The following ARHGAP26 variants were observed in gnomAD, a reference collection of about 807,000 sequenced individuals.
The protein encoded by ARHGAP26 is Rho GTPase activating protein 26.
A neutral mutation model predicts 104.8 loss-of-function variants in ARHGAP26; 38 were observed. That is an observed-to-expected ratio of 0.36 (90% CI 0.28 to 0.48). ARHGAP26 has a LOEUF of 0.48. ARHGAP26 is among the 20% of genes least tolerant of loss of function. The probability of loss-of-function intolerance (pLI) is 0.99; values close to 1 mark genes in which losing one functional copy is unlikely to be tolerated. For missense variants in ARHGAP26, 704 were observed against 947.9 expected, an observed-to-expected ratio of 0.74 and a Z score of 3.38; for synonymous variants, 341 against 340.0, an observed-to-expected ratio of 1.00 and a Z score of -0.03.
intron 11 of ARHGAP26, among the ~76,000 whole-genome samples, chr5:142,949,220 A>AGAGAGAGAGAGAGAGC (rs1562137006): frequency 5.7e-5 from 1 of 17,396 alleles, no homozygotes; most frequent in Non-Finnish European, 9.1e-5. Flanking sequence ...AGAGAGAGAG[A>AGAGAGAGAGAGAGAGC]GGAGAGAGAG....
chr5:143,120,441 G>A (rs1225214149), intron 17 of ARHGAP26, among the ~76,000 whole-genome samples: 1 of 152,234 alleles, frequency 6.6e-6, no homozygotes, highest in Non-Finnish European at 1.5e-5. Context: ...TGAGCCATAT[G>A]TTTAATCTGA....
intron 12 of ARHGAP26, among the ~76,000 whole-genome samples, chr5:143,017,630 G>T (rs2152827781): frequency 6.6e-6 from 1 of 152,162 alleles, no homozygotes; most frequent in South Asian, 2.1e-4. Context: ...ATGGTTCTGG[G>T]TCTTGTTTTA....
At chr5:143,104,845 A>AGT (rs1288982159) in intron 17 of ARHGAP26, among the ~76,000 whole-genome samples, 1 of 152,136 alleles carries the variant, frequency 6.6e-6, no homozygotes, top group African/African-American at 2.4e-5. Flanking sequence ...TTGAAATATG[A>AGT]GTGTGTGTGT....
intron 20 of ARHGAP26, among the ~76,000 whole-genome samples, chr5:143,148,704 T>G (rs895554541): frequency 2.0e-5 from 3 of 152,188 alleles, no homozygotes; most frequent in African/African-American, 7.2e-5. Flanking sequence ...TGGGCTTGCC[T>G]AGGGAGCCTC....
At chr5:143,089,544 G>A (rs371459953) in intron 17 of ARHGAP26, among the ~76,000 whole-genome samples, 6 of 152,280 alleles carry the variant, frequency 3.9e-5, no homozygotes, top group Admixed American at 2.6e-4. Flanking sequence ...TTTTAATCAC[G>A]ATACAAACTC....
intron 14 of ARHGAP26, among the ~76,000 whole-genome samples, chr5:143,050,992 C>T (rs1217354481): frequency 6.6e-6 from 1 of 152,104 alleles, no homozygotes; most frequent in East Asian, 1.9e-4. Context: ...ACAGAAGGGA[C>T]TGTTAGAGAT....
intron 22 of ARHGAP26, 40 bp downstream of exon 22, chr5:143,214,128 CGGGGGCAAGGGG>C: frequency 5.0e-6 from 3 of 595,300 alleles, no homozygotes; most frequent in East Asian, 7.3e-5. Context: ...GGGCGGGGGG[CGGGGGCAAGGGG>C]AGCACATAAA....
rs117800216 is a variant in ARHGAP26 at position 143,083,911 on chromosome 5, A to G, written c.1538+26164A>G. Among the ~76,000 whole-genome samples the G allele has an allele frequency of 4.7e-3, 712 of 152,336 alleles. 2 individuals are homozygous for G. The highest frequency in any genetic ancestry group is 0.04 in the East Asian group (210 of 5,188). Reference sequence around the variant, plus strand: ...ACTTCATTTGCAAAGGTTGAGTTTCAAGTCATTATATTACGTGTCATAAAA... The same window carrying G: ...ACTTCATTTGCAAAGGTTGAGTTTCGAGTCATTATATTACGTGTCATAAAA... On this transcript the variant is annotated intron_variant, in intron 17 of 22. Coordinates refer to ENST00000645722, the MANE Select transcript of ARHGAP26 (RefSeq NM_001135608.3).
At chr5:143,062,344 T>C (rs1192301606) in intron 17 of ARHGAP26, among the ~76,000 whole-genome samples, 1 of 152,208 alleles carries the variant, frequency 6.6e-6, no homozygotes, top group Non-Finnish European at 1.5e-5. Flanking sequence ...TTGTCTAATG[T>C]TTATTTTGAT....
At chr5:142,991,749 T>C (rs1287183967) in intron 11 of ARHGAP26, among the ~76,000 whole-genome samples, 1 of 152,264 alleles carries the variant, frequency 6.6e-6, no homozygotes, top group South Asian at 2.1e-4. Flanking sequence ...GGCTACACCA[T>C]ATAGCCTAGT....
chr5:143,036,818 C>G (rs1259419505), intron 12 of ARHGAP26, among the ~76,000 whole-genome samples: 1 of 152,152 alleles, frequency 6.6e-6, no homozygotes, highest in African/African-American at 2.4e-5. Flanking sequence ...TTAATTTGTG[C>G]TTTTTGAAGG....
chr5:142,909,322 C>T (rs1303723692), intron 9 of ARHGAP26, among the ~76,000 whole-genome samples: 2 of 152,218 alleles, frequency 1.3e-5, no homozygotes, highest in African/African-American at 2.4e-5. Context: ...CACTTCGGTC[C>T]TCTCTGCAGT....
chr5:142,990,676 C>G (rs1023515243), intron 11 of ARHGAP26, among the ~76,000 whole-genome samples: 2 of 152,208 alleles, frequency 1.3e-5, no homozygotes, highest in Non-Finnish European at 2.9e-5. Flanking sequence ...AGTTTTCCTT[C>G]TAACAGTTAG....
intron 1 of ARHGAP26, among the ~76,000 whole-genome samples, chr5:142,821,666 C>G (rs531703203): frequency 1.9e-4 from 29 of 152,110 alleles, no homozygotes; most frequent in Non-Finnish European, 3.5e-4. Context: ...AACAAGATAC[C>G]CAGGTGATTT....
intron 20 of ARHGAP26, among the ~76,000 whole-genome samples, chr5:143,154,699 G>A (rs1800265035): frequency 6.6e-6 from 1 of 152,262 alleles, no homozygotes; most frequent in East Asian, 1.9e-4. Context: ...AGCAAGACCA[G>A]CTAGGGTAGA....
chr5:143,106,300 G>T (rs1794003801), intron 17 of ARHGAP26, among the ~76,000 whole-genome samples: 1 of 152,042 alleles, frequency 6.6e-6, no homozygotes, highest in Non-Finnish European at 1.5e-5. Flanking sequence ...CTGCAGAGAT[G>T]GGCAGGAGGA....
chr5:142,787,070 C>T (rs1758822706), intron 1 of ARHGAP26, among the ~76,000 whole-genome samples: 1 of 152,124 alleles, frequency 6.6e-6, no homozygotes, highest in Non-Finnish European at 1.5e-5. Context: ...TCTAGGGCTC[C>T]CTTTCCTGTT....
At chr5:142,789,687 C>T (rs1221145430) in intron 1 of ARHGAP26, among the ~76,000 whole-genome samples, 1 of 152,200 alleles carries the variant, frequency 6.6e-6, no homozygotes, top group African/African-American at 2.4e-5. Context: ...CCGTTCTCAG[C>T]ACTAGAAGTT....
intron 10 of ARHGAP26, among the ~76,000 whole-genome samples, chr5:142,915,145 C>A (rs1762311776): frequency 6.6e-6 from 1 of 152,132 alleles, no homozygotes. Context: ...CTTATTTCCA[C>A]CCTTGCCAGC....
Sources: gnomAD v4.1 joint callset for allele counts (sites outside exome capture counted in the v4.1 genomes callset) on GRCh38, gnomAD v4.1.1 for gene constraint, MANE v1.5 for transcripts, NCBI Gene and HGNC (gene_info 2026-07-23, HGNC 2026-07-21) for gene names.